Variants in TRAF3IP1 observed in about 807,000 individuals in gnomAD.
TRAF3IP1 encodes TRAF3-interacting protein 1.
In TRAF3IP1, 53 loss-of-function variants were observed where a neutral mutation model predicts 89.9. That is an observed-to-expected ratio of 0.59 (90% CI 0.47 to 0.74). TRAF3IP1 has a LOEUF of 0.74. Among genes scored for constraint, TRAF3IP1 ranks in the 30% least tolerant of loss-of-function variants. TRAF3IP1 has a pLI of 0.00. For missense variants in TRAF3IP1, 806 were observed against 866.1 expected (o/e 0.93, Z 0.87); for synonymous variants, 311 against 322.1 (o/e 0.97, Z 0.37).
intron 15 of TRAF3IP1, among the ~76,000 whole-genome samples, chr2:238,381,129 A>G (rs1244514838): frequency 1.6e-5 from 2 of 127,002 alleles, no homozygotes; most frequent in Middle Eastern, 5.1e-3. Context: ...TTTTTTAATT[A>G]TTTATTTATT....
intron 15 of TRAF3IP1, among the ~76,000 whole-genome samples, chr2:238,384,560 AT>A (rs1168683957): frequency 1.8e-4 from 16 of 87,242 alleles, no homozygotes; most frequent in Admixed American, 3.6e-4. Context: ...TTTTTTTTGT[AT>A]TTTTTTTTTA....
At chr2:238,391,506 A>G (rs1700994177) in intron 15 of TRAF3IP1, among the ~76,000 whole-genome samples, 1 of 152,236 alleles carries the variant, frequency 6.6e-6, no homozygotes, top group South Asian at 2.1e-4. Context: ...TGAAAGCTTG[A>G]AAATTGCCAG....
intron 14 of TRAF3IP1, among the ~76,000 whole-genome samples, chr2:238,355,517 G>A (rs1361648526): frequency 6.6e-6 from 1 of 152,226 alleles, no homozygotes; most frequent in African/African-American, 2.4e-5. Context: ...ACGTACCCTC[G>A]TTTATTCAGT....
intron 15 of TRAF3IP1, among the ~76,000 whole-genome samples, chr2:238,361,909 A>C (rs1447276007): frequency 6.6e-6 from 1 of 152,182 alleles, no homozygotes; most frequent in Admixed American, 6.5e-5. Flanking sequence ...ATAATCGCTT[A>C]TCTTTTGCTG....
At chr2:238,378,105 TTGTC>T (rs1482358402) in intron 15 of TRAF3IP1, among the ~76,000 whole-genome samples, 1 of 152,124 alleles carries the variant, frequency 6.6e-6, no homozygotes, top group Non-Finnish European at 1.5e-5. Flanking sequence ...TTCCAGAAAT[TTGTC>T]TGTCTGTCTA....
At chr2:238,350,720 G>A (rs112391285) in intron 12 of TRAF3IP1, among the ~76,000 whole-genome samples, 8 of 152,224 alleles carry the variant, frequency 5.3e-5, no homozygotes, top group African/African-American at 1.7e-4. Context: ...GGCGGAGGCC[G>A]TGGCTGACAG....
chr2:238,320,945 G>A, intron 1 of TRAF3IP1, 160 bp downstream of exon 1: 1 of 503,136 alleles, frequency 2.0e-6, no homozygotes, highest in Non-Finnish European at 2.9e-6. Flanking sequence ...GGCCGGGTGT[G>A]AACCGGGTGT....
chr2:238,370,440 C>T (rs148935992), intron 15 of TRAF3IP1, among the ~76,000 whole-genome samples: 124 of 152,194 alleles, frequency 8.1e-4, no homozygotes, highest in Non-Finnish European at 1.3e-3. Context: ...TGTGTATGTG[C>T]ATGTCTGTGT....
chr2:238,376,978 C>T (rs1010710275), intron 15 of TRAF3IP1, among the ~76,000 whole-genome samples: 14 of 152,180 alleles, frequency 9.2e-5, no homozygotes, highest in Middle Eastern at 3.4e-3. Flanking sequence ...GGAACGTGTC[C>T]GGGGCCGTAT....
chr2:238,333,933 A>C (rs761985745), intron 6 of TRAF3IP1, 27 bp from the exon 7 acceptor site: 2 of 1,570,204 alleles, frequency 1.3e-6, no homozygotes, highest in Non-Finnish European at 1.7e-6. Context: ...ACATCAATTA[A>C]TTTCTTTTCA....
chr2:238,339,640 GT>G (rs1452953855), intron 8 of TRAF3IP1, among the ~76,000 whole-genome samples: 1 of 152,250 alleles, frequency 6.6e-6, no homozygotes, highest in Non-Finnish European at 1.5e-5. Context: ...AGCCACGTGA[GT>G]GGGTTCTCTG....
intron 14 of TRAF3IP1, among the ~76,000 whole-genome samples, chr2:238,353,434 T>C (rs572877031): frequency 1.1e-4 from 17 of 152,192 alleles, no homozygotes; most frequent in African/African-American, 4.1e-4. Context: ...GAGGGCACAG[T>C]TGGAAGCTGG....
At chr2:238,327,547 G>T (rs1448025770) in intron 3 of TRAF3IP1, among the ~76,000 whole-genome samples, 1 of 152,124 alleles carries the variant, frequency 6.6e-6, no homozygotes, top group African/African-American at 2.4e-5. Context: ...GCTTGAATCA[G>T]ATCAGTGGTT....
In TRAF3IP1 at chr2:238,328,795, GAGA is replaced by G. The variant is rs767260312; in HGVS notation, c.471_473del (p.Glu158del). On this transcript the variant is annotated inframe_deletion, in exon 4 of 17. Transcript: ENST00000373327. ...CAGGAATTGGATAATAAGAATGTGC[GAGA>G]AGAAGAGTCCAGAGTTCACAAAAAT... The G allele has an allele frequency of 3.7e-6, 6 of 1,613,966 alleles. No individual in the cohort carries two copies. In the African/African-American group the frequency reaches 4.0e-5, roughly 11 times the overall value.
chr2:238,384,548 T>A (rs1700684627), intron 15 of TRAF3IP1, among the ~76,000 whole-genome samples: 1 of 150,824 alleles, frequency 6.6e-6, no homozygotes, highest in African/African-American at 2.4e-5. Flanking sequence ...AATTTTTTTT[T>A]TTTTTTTTTG....
intron 15 of TRAF3IP1, among the ~76,000 whole-genome samples, chr2:238,365,146 T>C (rs941448131): frequency 5.3e-5 from 8 of 152,188 alleles, no homozygotes; most frequent in African/African-American, 1.4e-4. Context: ...TTATTTCACT[T>C]TGGTGATAGG....
chr2:238,355,933 C>G (rs970107921), intron 14 of TRAF3IP1, 71 bp from the exon 15 acceptor site: 1 of 1,089,700 alleles, frequency 9.2e-7, no homozygotes, highest in African/African-American at 1.6e-5. Context: ...TTCCCACCAT[C>G]CCACCCATTT....
rs774045946 is a variant in TRAF3IP1, at chr2:238,329,269, G to C, written c.842G>C (p.Arg281Thr). ...RDKGKDRDRR[R>T]VKNGEHSWDL... ...AAAGGGAAGGACAGGGACAGACGGA[G>C]AGTGAAAAACGGGGAGCACTCCTGG... Residue 281 changes from arginine to threonine, a missense_variant, in exon 5 of 17, where the codon AGA (arginine) becomes ACA (threonine). This residue lies in a region of TRAF3IP1 where 732 missense variants were observed against 780.5 expected (regional missense o/e 0.94). Coordinates refer to ENST00000373327, the MANE Select transcript of TRAF3IP1 (RefSeq NM_015650.4). The C allele has an allele frequency of 8.7e-6, 13 of 1,494,982 alleles. No individual in the cohort carries two copies. Among genetic ancestry groups the C allele is most frequent in the Non-Finnish European group, 1.2e-5 (13 of 1,123,632 alleles). 92.6% of individuals were successfully genotyped at this position (1,494,982 alleles called of 1,614,324 possible). A position where few individuals can be genotyped will look rare whatever the true frequency, so the allele number is the denominator to read the frequency against.
intron 6 of TRAF3IP1, among the ~76,000 whole-genome samples, chr2:238,333,741 T>G (rs185991954): frequency 2.0e-5 from 3 of 152,294 alleles, no homozygotes; most frequent in Middle Eastern, 3.4e-3. Context: ...CTGTACAGAA[T>G]GATGGAATTC....
Sources: allele counts gnomAD v4.1 joint callset (sites outside exome capture counted in the v4.1 genomes callset), GRCh38; gene constraint gnomAD v4.1.1; regional missense constraint gnomAD v4.1.1; transcripts MANE v1.5; gene names NCBI Gene and HGNC (gene_info 2026-07-23, HGNC 2026-07-21).